CA10: variants seen among roughly 807,000 people sequenced by gnomAD.
CA10 encodes carbonic anhydrase-related protein 10.
CA10 carries 14 observed loss-of-function variants against 44.2 expected under a neutral mutation model. The observed-to-expected ratio is 0.32, with a 90% confidence interval of 0.21 to 0.50. The LOEUF is 0.50. CA10 is among the 20% of genes least tolerant of loss of function. The pLI, the probability that CA10 is intolerant of heterozygous loss-of-function variation, is 0.99. For missense variants in CA10, 350 were observed against 409.7 expected, an observed-to-expected ratio of 0.85 and a Z score of 1.26; for synonymous variants, 159 against 141.6, an observed-to-expected ratio of 1.12 and a Z score of -0.87.
intron 3 of CA10, among the ~76,000 whole-genome samples, chr17:51,783,032 A>G (rs552257159): frequency 6.6e-6 from 1 of 152,370 alleles, no homozygotes; most frequent in African/African-American, 2.4e-5. Flanking sequence ...GCTTGCAACC[A>G]TGAATGCTGA....
intron 3 of CA10, among the ~76,000 whole-genome samples, chr17:51,847,811 G>T (rs1389841201): frequency 6.6e-6 from 1 of 152,156 alleles, no homozygotes; most frequent in Non-Finnish European, 1.5e-5. Flanking sequence ...TCTCTCAGGT[G>T]CCTCTGTGAT....
chr17:51,883,465 C>T (rs1434613684), intron 3 of CA10, among the ~76,000 whole-genome samples: 1 of 152,164 alleles, frequency 6.6e-6, no homozygotes, highest in African/African-American at 2.4e-5. Flanking sequence ...TGAATATATG[C>T]TAATGATCCC....
intron 3 of CA10, among the ~76,000 whole-genome samples, chr17:51,839,418 G>T (rs1978300621): frequency 6.7e-6 from 1 of 148,654 alleles, no homozygotes; most frequent in Admixed American, 6.8e-5. Context: ...GCATGAACCT[G>T]GGAGGCGGAG....
At chr17:51,735,706 A>G (rs1030693204) in intron 4 of CA10, among the ~76,000 whole-genome samples, 10 of 152,308 alleles carry the variant, frequency 6.6e-5, no homozygotes, top group African/African-American at 2.4e-4. Context: ...CTACTCTGCA[A>G]AGTGAAACTG....
At chr17:52,020,417 C>T (rs1986100554) in intron 2 of CA10, among the ~76,000 whole-genome samples, 1 of 151,896 alleles carries the variant, frequency 6.6e-6, no homozygotes, top group East Asian at 1.9e-4. Context: ...ATTTATATGT[C>T]TACTTTTTCC....
intron 3 of CA10, among the ~76,000 whole-genome samples, chr17:51,820,408 C>T (rs1256210918): frequency 4.4e-5 from 3 of 68,660 alleles, no homozygotes; most frequent in Admixed American, 3.1e-4. Flanking sequence ...TTCCCCTACC[C>T]CCCCCCCCCC....
At chr17:51,724,999 T>A (rs1916468505) in intron 4 of CA10, among the ~76,000 whole-genome samples, 1 of 152,210 alleles carries the variant, frequency 6.6e-6, no homozygotes, top group Admixed American at 6.5e-5. Context: ...ACAGTCACCA[T>A]ATGCATTCCT....
chr17:51,649,976 G>T (rs901742504), intron 5 of CA10, among the ~76,000 whole-genome samples: 8 of 106,132 alleles, frequency 7.5e-5, no homozygotes, highest in Admixed American at 1.0e-4. Flanking sequence ...CATCCATCCA[G>T]CCAGCCAGTC....
At chr17:52,007,280 G>A (rs762662206) in intron 2 of CA10, among the ~76,000 whole-genome samples, 3 of 151,310 alleles carry the variant, frequency 2.0e-5, no homozygotes, top group Non-Finnish European at 4.4e-5. Context: ...TTAAGTGCTA[G>A]CAGTAGCCTT....
chr17:51,844,859 G>A (rs1428830614), intron 3 of CA10, among the ~76,000 whole-genome samples: 2 of 152,178 alleles, frequency 1.3e-5, no homozygotes, highest in South Asian at 2.1e-4. Context: ...CAAATTTGAT[G>A]TCCATCAGAA....
chr17:51,840,291 C>T (rs1267745946), intron 3 of CA10, among the ~76,000 whole-genome samples: 1 of 152,144 alleles, frequency 6.6e-6, no homozygotes, highest in Non-Finnish European at 1.5e-5. Flanking sequence ...CCACAGAGCT[C>T]ATGCTGTTTT....
chr17:51,998,534 T>C (rs1031606678), intron 2 of CA10, among the ~76,000 whole-genome samples: 6 of 152,060 alleles, frequency 3.9e-5, no homozygotes, highest in African/African-American at 1.4e-4. Flanking sequence ...CTCTTCTCAT[T>C]TTCCTTTTAT....
chr17:52,072,859 C>A lies in CA10; in HGVS notation c.62-466G>T, dbSNP rs191139339. Among the ~76,000 whole-genome samples, 9 of 152,188 alleles carry A rather than the reference C, an allele frequency of 5.9e-5. 1 individual carries two copies. Among genetic ancestry groups the A allele is most frequent in the African/African-American group, 2.2e-4 (9 of 41,526 alleles). The stretch of plus-strand genomic sequence containing the variant: ...AAGGCTGAAAGGTATACCCAGCCAG[C>A]TTTCCTTAGGTCCCAGGAAAATGAA... On this transcript the variant is annotated intron_variant, in intron 1 of 8. Coordinates refer to ENST00000451037, the MANE Select transcript of CA10 (RefSeq NM_020178.5).
intron 2 of CA10, among the ~76,000 whole-genome samples, chr17:52,067,108 C>T (rs1987557853): frequency 6.6e-6 from 1 of 152,206 alleles, no homozygotes; most frequent in Non-Finnish European, 1.5e-5. Context: ...ATAGCCAAGA[C>T]AATGGGGAAA....
intron 3 of CA10, among the ~76,000 whole-genome samples, chr17:51,823,261 A>G (rs1290235336): frequency 6.6e-6 from 1 of 152,180 alleles, no homozygotes; most frequent in Non-Finnish European, 1.5e-5. Flanking sequence ...AAAGGGCCAC[A>G]TGGCTGGGCC....
rs532042464 is a variant in CA10, at chr17:51,805,993, C to A, written c.280-58175G>T. 1.8e-4 allele frequency among the ~76,000 whole-genome samples: 27 copies of A among 152,256 alleles called. No homozygotes were observed. The South Asian group carries it at 5.6e-3, about 32-fold the overall frequency. ...GCAGAGGGCATAGCAAAGGCTAGGG[C>A]TTGGAGGAAGGAAAGAGCTTGGCCC... On this transcript the variant is annotated intron_variant, in intron 3 of 8. Coordinates refer to ENST00000451037, the MANE Select transcript of CA10 (RefSeq NM_020178.5).
chr17:52,060,981 T>C (rs1567719806), intron 2 of CA10, among the ~76,000 whole-genome samples: 1 of 152,162 alleles, frequency 6.6e-6, no homozygotes, highest in Non-Finnish European at 1.5e-5. Flanking sequence ...AAACCAGTAC[T>C]GACAACTATA....
intron 6 of CA10, among the ~76,000 whole-genome samples, chr17:51,646,563 T>C (rs1317814887): frequency 2.0e-5 from 3 of 152,096 alleles, no homozygotes; most frequent in African/African-American, 7.2e-5. Context: ...TAGGGCCCCC[T>C]GAGTTTTCTT....
chr17:51,898,997 C>T (rs1276930255), intron 3 of CA10, among the ~76,000 whole-genome samples: 1 of 151,740 alleles, frequency 6.6e-6, no homozygotes, highest in Non-Finnish European at 1.5e-5. Flanking sequence ...TTCAAAAAAA[C>T]CTCCTGGATT....
Sources: gnomAD v4.1 joint callset for allele counts (sites outside exome capture counted in the v4.1 genomes callset) on GRCh38, gnomAD v4.1.1 for gene constraint, MANE v1.5 for transcripts, NCBI Gene and HGNC (gene_info 2026-07-23, HGNC 2026-07-21) for gene names.